The following ZNF385D variants were observed in gnomAD, a reference collection of about 807,000 sequenced individuals.
ZNF385D encodes the protein zinc finger protein 385D.
ZNF385D carries 15 observed loss-of-function variants against 35.8 expected under a neutral mutation model. The ratio of observed to expected loss-of-function variants is 0.42; its 90% CI spans 0.28 to 0.64. ZNF385D has a LOEUF of 0.64. Ranked by LOEUF, ZNF385D falls within the 30% of genes least tolerant of loss-of-function variation. The pLI is 0.23. For synonymous variants in ZNF385D, 212 were observed against 186.8 expected, an observed-to-expected ratio of 1.13 and a Z score of -1.10; for missense variants, 474 against 494.6, an observed-to-expected ratio of 0.96 and a Z score of 0.39.
intron 3 of ZNF385D, among the ~76,000 whole-genome samples, chr3:21,756,637 C>T (rs1317294124): frequency 6.6e-6 from 1 of 152,152 alleles, no homozygotes; most frequent in Non-Finnish European, 1.5e-5. Flanking sequence ...TAACACTAAA[C>T]ACTGAGTCGT....
At chr3:21,516,475 G>A (rs1707573805) in intron 3 of ZNF385D, among the ~76,000 whole-genome samples, 1 of 152,024 alleles carries the variant, frequency 6.6e-6, no homozygotes, top group African/African-American at 2.4e-5. Flanking sequence ...CTCCCTCCCA[G>A]TACCAGGAAG....
At chr3:22,315,457 A>C (rs2125436067) in intron 2 of ZNF385D, among the ~76,000 whole-genome samples, 1 of 152,322 alleles carries the variant, frequency 6.6e-6, no homozygotes, top group South Asian at 2.1e-4. Context: ...TAGATTACAC[A>C]GTTTATGTTA....
At chr3:22,172,136 C>G (rs1694496476) in intron 2 of ZNF385D, among the ~76,000 whole-genome samples, 2 of 152,132 alleles carry the variant, frequency 1.3e-5, no homozygotes, top group Non-Finnish European at 2.9e-5. Flanking sequence ...TTTTTCCCTC[C>G]TAACCTTCAC....
chr3:21,969,640 G>T (rs921233925), intron 3 of ZNF385D, among the ~76,000 whole-genome samples: 1 of 152,166 alleles, frequency 6.6e-6, no homozygotes, highest in Non-Finnish European at 1.5e-5. Context: ...TCATCCTGAC[G>T]AGAAGGAAAC....
At chr3:21,692,638 A>G (rs1323623317) in intron 1 of ZNF385D, among the ~76,000 whole-genome samples, 1 of 152,162 alleles carries the variant, frequency 6.6e-6, no homozygotes, top group Non-Finnish European at 1.5e-5. Context: ...CCCTTGCTGC[A>G]CTCTACGCAG....
intron 2 of ZNF385D, among the ~76,000 whole-genome samples, chr3:21,567,434 A>G (rs2063188170): frequency 6.6e-6 from 1 of 152,198 alleles, no homozygotes; most frequent in Non-Finnish European, 1.5e-5. Flanking sequence ...AGCTTGAGAA[A>G]GCCAAGGGCC....
chr3:22,061,970 A>T (rs1259830428), intron 3 of ZNF385D, among the ~76,000 whole-genome samples: 2 of 152,358 alleles, frequency 1.3e-5, no homozygotes, highest in African/African-American at 4.8e-5. Context: ...CCATGCATTC[A>T]ATAAGTATTC....
intron 2 of ZNF385D, among the ~76,000 whole-genome samples, chr3:22,175,705 T>C (rs749579639): frequency 5.3e-5 from 8 of 151,720 alleles, no homozygotes; most frequent in Admixed American, 2.0e-4. Flanking sequence ...TTAGAGAGTA[T>C]TGCTTACATC....
intron 3 of ZNF385D, among the ~76,000 whole-genome samples, chr3:22,103,948 TC>T (rs1180871938): frequency 7.2e-5 from 11 of 152,020 alleles, no homozygotes; most frequent in Non-Finnish European, 4.4e-5. Flanking sequence ...GGAAAATCAG[TC>T]TTGAGTTGTA....
At chr3:21,972,721 A>T (rs145654147) in intron 3 of ZNF385D, among the ~76,000 whole-genome samples, 1 of 152,060 alleles carries the variant, frequency 6.6e-6, no homozygotes, top group African/African-American at 2.4e-5. Context: ...CTAAATAAAC[A>T]ATGTTAGAGA....
At chr3:22,160,235 A>G (rs1705859598) in intron 3 of ZNF385D, among the ~76,000 whole-genome samples, 1 of 152,094 alleles carries the variant, frequency 6.6e-6, no homozygotes, top group Non-Finnish European at 1.5e-5. Flanking sequence ...ACTAATACAT[A>G]TACTGATATA....
chr3:22,164,015 G>T (rs1463832560), intron 3 of ZNF385D, among the ~76,000 whole-genome samples: 1 of 152,136 alleles, frequency 6.6e-6, no homozygotes, highest in Non-Finnish European at 1.5e-5. Flanking sequence ...GCTTGTAACT[G>T]GGTTCATTTC....
intron 3 of ZNF385D, among the ~76,000 whole-genome samples, chr3:22,019,177 A>G (rs374871799): frequency 8.0e-5 from 12 of 150,756 alleles, no homozygotes; most frequent in Admixed American, 6.6e-4. Flanking sequence ...AATCTGTGCC[A>G]ATCTGTAATA....
rs574311687 is a variant in ZNF385D, at chr3:21,815,296, G to C, written c.326-150268C>G. On this transcript the variant is annotated intron_variant, in intron 3 of 5. Coordinates refer to the ZNF385D transcript ENST00000494108. ...AGAACTAGAGAAGCAAGAGCAAACA[G>C]ATTCAAAAGCTAGCAGAAGGCAAGA... 3.0e-4 allele frequency among the ~76,000 whole-genome samples: 45 copies of C among 152,086 alleles called. 1 individual carries two copies. The South Asian group carries it at 5.4e-3, about 18-fold the overall frequency.
At chr3:21,626,706 G>A (rs866716126) in intron 2 of ZNF385D, among the ~76,000 whole-genome samples, 3 of 152,116 alleles carry the variant, frequency 2.0e-5, no homozygotes, top group Non-Finnish European at 4.4e-5. Context: ...AATGTGATGG[G>A]AAGTGCAAAG....
intron 2 of ZNF385D, among the ~76,000 whole-genome samples, chr3:22,191,911 TA>T: frequency 1.1e-5 from 1 of 87,880 alleles, no homozygotes; most frequent in East Asian, 2.4e-4. Context: ...TACCAATCTA[TA>T]AAAAAACAAT....
chr3:22,266,519 A>T (rs978114843), intron 2 of ZNF385D, among the ~76,000 whole-genome samples: 14 of 151,884 alleles, frequency 9.2e-5, no homozygotes, highest in Non-Finnish European at 1.9e-4. Context: ...AATTAATAAT[A>T]ACAATACCTG....
intron 3 of ZNF385D, among the ~76,000 whole-genome samples, chr3:21,857,849 G>A (rs1182864111): frequency 6.6e-6 from 1 of 151,764 alleles, no homozygotes; most frequent in East Asian, 2.0e-4. Context: ...CGATCTGAGG[G>A]ACAACTGGAG....
intron 3 of ZNF385D, among the ~76,000 whole-genome samples, chr3:22,049,966 G>A (rs370354503): frequency 1.7e-4 from 26 of 152,206 alleles, no homozygotes; most frequent in African/African-American, 5.3e-4. Context: ...TTCTTTCCTT[G>A]TAAAATGCTT....
Sources: allele counts gnomAD v4.1 joint callset (sites outside exome capture counted in the v4.1 genomes callset), GRCh38; gene constraint gnomAD v4.1.1; transcripts MANE v1.5; gene names NCBI Gene and HGNC (gene_info 2026-07-23, HGNC 2026-07-21).